Variants in WTAP observed in about 807,000 individuals in gnomAD.
WTAP encodes the protein WT1 associated protein.
Under a neutral mutation model 50.0 loss-of-function variants are expected in WTAP, and 8 were observed. The observed-to-expected ratio is 0.16, with a 90% CI of 0.09 to 0.29. The LOEUF (loss-of-function observed/expected upper bound fraction) is 0.29, where lower values mean the gene tolerates loss of function less well. WTAP is among the 10% of genes least tolerant of loss of function. WTAP has a pLI of 1.00. For synonymous variants in WTAP, 194 were observed against 169.0 expected (o/e 1.15, Z -1.15); for missense variants, 295 against 470.7 (o/e 0.63, Z 3.45).
chr6:159,754,594 A>G (rs1583110799), intron 7 of WTAP, among the ~76,000 whole-genome samples: 1 of 152,204 alleles, frequency 6.6e-6, no homozygotes, highest in African/African-American at 2.4e-5. Context: ...AAATGATGTC[A>G]TATTTACATA....
intron 1 of WTAP, among the ~76,000 whole-genome samples, chr6:159,730,689 T>C (rs1778511494): frequency 6.6e-6 from 1 of 152,210 alleles, no homozygotes; most frequent in East Asian, 1.9e-4. Flanking sequence ...TCTTTCTAAA[T>C]ACTGAGGCTC....
At chr6:159,727,112 TC>T (rs1280562769), upstream of WTAP, 5 of 1,192,834 alleles carry the variant, frequency 4.2e-6, no homozygotes, top group Non-Finnish European at 5.3e-6. Flanking sequence ...GCCCCTCCCC[TC>T]GGCCGCTTCC....
chr6:159,738,304 CAG>C (rs1277515476), intron 2 of WTAP, among the ~76,000 whole-genome samples: 1 of 152,216 alleles, frequency 6.6e-6, no homozygotes, highest in African/African-American at 2.4e-5. Flanking sequence ...ATTGTTACTT[CAG>C]AGTGTTATAT....
Position 159,727,624 on chromosome 6 carries a change from G to A in WTAP, c.-88G>A. On this transcript the variant is annotated 5_prime_UTR_variant, in exon 1 of 8. Coordinates refer to ENST00000621533, the MANE Select transcript of WTAP (RefSeq NM_001270531.2). ...GAGCTGTCCGGCTGCGCGGTGGCCC[G>A]GGGGGCCCGGGCGGCAGGGCAAGCA... is the stretch of plus-strand genomic sequence containing the variant. The A allele has an allele frequency of 1.0e-6, 1 of 986,034 alleles. No homozygotes were observed. The highest frequency in any genetic ancestry group is 1.2e-6 in the Non-Finnish European group (1 of 830,528). The allele number at this position is 986,034 out of a possible 1,614,324, so 61.1% of individuals were successfully genotyped here. A position where few individuals can be genotyped will look rare whatever the true frequency, so the allele number is the denominator to read the frequency against.
At chr6:159,751,782 C>T (rs1779829726) in intron 6 of WTAP, among the ~76,000 whole-genome samples, 1 of 152,188 alleles carries the variant, frequency 6.6e-6, no homozygotes, top group Non-Finnish European at 1.5e-5. Context: ...AAACATGCAG[C>T]CAGGCACGGT....
In WTAP at chr6:159,748,851, T is replaced by A; in HGVS notation, c.452+482T>A. The A allele has an allele frequency of 8.2e-7, 1 of 1,216,476 alleles. No individual in the cohort carries two copies. The allele number at this position is 1,216,476 out of a possible 1,614,324, so 75.4% of individuals were successfully genotyped here. On this transcript the variant is annotated intron_variant, in intron 6 of 7. Transcript: ENST00000621533. This position sits in a 1 kb window ranked among gnomAD's most constrained non-coding sequence, Gnocchi z 5.6. ...CGCTCTTAACCTTGAGCATAGTGAC[T>A]TAGAGACACTGTGTATCAGTTTTGC... is the stretch of plus-strand genomic sequence containing the variant.
chr6:159,742,061 A>C, intron 3 of WTAP, 27 bp from the exon 4 acceptor site: 1 of 1,519,364 alleles, frequency 6.6e-7, no homozygotes, highest in Admixed American at 1.9e-5. Flanking sequence ...TATCGTAACA[A>C]CTAATGTATG....
chr6:159,751,542 C>T (rs894266589), intron 6 of WTAP, among the ~76,000 whole-genome samples: 1 of 152,188 alleles, frequency 6.6e-6, no homozygotes, highest in South Asian at 2.1e-4. Flanking sequence ...TGGAGGCTAA[C>T]GCCTGAGAGT....
chr6:159,727,492 C>T (rs1044271947), upstream of WTAP: 12 of 991,658 alleles, frequency 1.2e-5, no homozygotes, highest in African/African-American at 1.9e-4. Flanking sequence ...GGCCGGGCGG[C>T]GGGGCCTGGT....
chr6:159,743,534 T>C, intron 4 of WTAP, 131 bp from the exon 5 acceptor site: 1 of 867,808 alleles, frequency 1.2e-6, no homozygotes. Flanking sequence ...GAAATTCGCC[T>C]GTTATAAAAG....
intron 2 of WTAP, among the ~76,000 whole-genome samples, 159 bp from the exon 3 acceptor site, chr6:159,738,831 T>TAA (rs373027980): frequency 6.9e-6 from 1 of 145,724 alleles, no homozygotes; most frequent in African/African-American, 2.5e-5. Context: ...TAGTTTACCT[T>TAA]AAAAAAAAAA....
At chr6:159,740,120 C>T (rs1252171979) in intron 3 of WTAP, among the ~76,000 whole-genome samples, 1 of 151,866 alleles carries the variant, frequency 6.6e-6, no homozygotes, top group Non-Finnish European at 1.5e-5. Context: ...GCTGGGATTA[C>T]AGGCATGGGC....
In WTAP at chr6:159,727,723, C is replaced by T. The variant is rs1157698705; in HGVS notation, c.-9+20C>T. 12 of 985,302 alleles carry T rather than the reference C, an allele frequency of 1.2e-5. No homozygotes were observed. The highest frequency in any genetic ancestry group is 4.7e-5 in the South Asian group (1 of 21,282). The allele number at this position is 985,302 out of a possible 1,614,324, so 61.0% of individuals were successfully genotyped here. ...GGAGAGGTAGGCGCGGGCCGGCTGG[C>T]GGGAGCGGACGCGGGGGACCTCCGG... is the stretch of plus-strand genomic sequence containing the variant. On this transcript the variant is annotated intron_variant, in intron 1 of 7. Coordinates refer to ENST00000621533, the MANE Select transcript of WTAP (RefSeq NM_001270531.2).
At chr6:159,740,480 C>T (rs976270339) in intron 3 of WTAP, among the ~76,000 whole-genome samples, 1 of 152,074 alleles carries the variant, frequency 6.6e-6, no homozygotes, top group Non-Finnish European at 1.5e-5. Flanking sequence ...TTGTGATATA[C>T]ATGTTCTTGC....
chr6:159,749,879 C>G (rs1431384374), intron 6 of WTAP, among the ~76,000 whole-genome samples: 1 of 152,182 alleles, frequency 6.6e-6, no homozygotes, highest in Non-Finnish European at 1.5e-5. Flanking sequence ...CTATAAGTCA[C>G]CAATTCAAAT....
At chr6:159,739,153 C>T (rs761246695) in intron 3 of WTAP, 108 bp downstream of exon 3, 2 of 878,894 alleles carry the variant, frequency 2.3e-6, no homozygotes, top group Non-Finnish European at 3.4e-6. Context: ...TTGTTCTATC[C>T]TCAAATAATT....
In WTAP at chr6:159,748,844, T is replaced by C; in HGVS notation, c.452+475T>C. 8.2e-7 allele frequency: 1 copy of C among 1,219,968 alleles called. No homozygotes were observed. Among genetic ancestry groups the C allele is most frequent in the Non-Finnish European group, 1.0e-6 (1 of 980,680 alleles). 75.6% of individuals were successfully genotyped at this position (1,219,968 alleles called of 1,614,324 possible). ...TATGCATCGCTCTTAACCTTGAGCA[T>C]AGTGACTTAGAGACACTGTGTATCA... On this transcript the variant is annotated intron_variant, in intron 6 of 7. Coordinates refer to ENST00000621533, the MANE Select transcript of WTAP (RefSeq NM_001270531.2). The surrounding 1 kb of genome is among the most constrained non-coding windows in gnomAD (Gnocchi z 5.6).
chr6:159,749,704 T>C (rs759783758), intron 6 of WTAP, among the ~76,000 whole-genome samples: 2 of 152,208 alleles, frequency 1.3e-5, no homozygotes, highest in Non-Finnish European at 2.9e-5. Context: ...TGCCAGAAGA[T>C]AATGTGTTGG....
At chr6:159,734,608 C>CA (rs1319246721) in intron 1 of WTAP, among the ~76,000 whole-genome samples, 1 of 152,146 alleles carries the variant, frequency 6.6e-6, no homozygotes, top group African/African-American at 2.4e-5. Context: ...CCCAAGAGTT[C>CA]AAGACTAGCC....
Sources: gnomAD v4.1 joint callset for allele counts (sites outside exome capture counted in the v4.1 genomes callset) on GRCh38, gnomAD v4.1.1 for gene constraint, Gnocchi (gnomAD v3.1) non-coding constraint, MANE v1.5 for transcripts, NCBI Gene and HGNC (gene_info 2026-07-23, HGNC 2026-07-21) for gene names.